The following WDR36 variants were observed in gnomAD, a reference collection of about 807,000 sequenced individuals.
WDR36 encodes the protein WD repeat-containing protein 36.
WDR36 carries 63 observed loss-of-function variants against 112.7 expected under a neutral mutation model. The ratio of observed to expected loss-of-function variants is 0.56; its 90% CI spans 0.46 to 0.69. The LOEUF (loss-of-function observed/expected upper bound fraction) is 0.69, where lower values mean the gene tolerates loss of function less well. WDR36 is among the 30% of genes least tolerant of loss of function. WDR36 has a pLI of 0.00. For missense variants in WDR36, 1,226 were observed against 1,070.3 expected (o/e 1.15, Z -2.03); for synonymous variants, 410 against 362.2 (o/e 1.13, Z -1.50).
intron 12 of WDR36, among the ~76,000 whole-genome samples, chr5:111,108,464 G>T (rs1470969859): frequency 6.6e-6 from 1 of 151,112 alleles, no homozygotes; most frequent in Non-Finnish European, 1.5e-5. Flanking sequence ...TTGTAAGTTT[G>T]TATATTCTAT....
intron 16 of WDR36, among the ~76,000 whole-genome samples, chr5:111,114,763 T>A (rs1753421935): frequency 6.6e-6 from 1 of 152,220 alleles, no homozygotes; most frequent in Admixed American, 6.5e-5. Context: ...TGCTATTTTC[T>A]AAAAGTTAAT....
chr5:111,098,138 G>C (rs985640569), intron 3 of WDR36, among the ~76,000 whole-genome samples: 1 of 152,116 alleles, frequency 6.6e-6, no homozygotes, highest in African/African-American at 2.4e-5. Context: ...ACTGTCAACT[G>C]TAGGAAGTTG....
intron 15 of WDR36, 39 bp from the exon 16 acceptor site, chr5:111,113,035 A>ATATATAT: frequency 1.1e-5 from 4 of 352,686 alleles, no homozygotes; most frequent in Admixed American, 6.3e-5. Flanking sequence ...ATATATAAAT[A>ATATATAT]ATATATATAT....
intron 10 of WDR36, among the ~76,000 whole-genome samples, chr5:111,105,642 GCA>G (rs1419786609): frequency 1.3e-5 from 2 of 151,462 alleles, no homozygotes; most frequent in South Asian, 4.1e-4. Flanking sequence ...TCTGTAGAGT[GCA>G]CAGTTTTTAA....
At position 111,127,923 on chromosome 5, in the gene WDR36, GTTTTTTTTTTT is replaced by G. The variant is rs1174312563; in HGVS notation, c.*1049_*1059del. 5 of 139,430 alleles carry G rather than the reference GTTTTTTTTTTT, an allele frequency of 3.6e-5. No homozygotes were observed. The highest frequency in any genetic ancestry group is 8.5e-5 in the African/African-American group (3 of 35,472). The allele number at this position is 139,430 out of a possible 1,614,324, so 8.6% of individuals were successfully genotyped here. A position where few individuals can be genotyped will look rare whatever the true frequency, so the allele number is the denominator to read the frequency against. ...GGTTTTTTTTATTTTGTTTTGTTTTGTTTTTTTTTTTTTTTTTTTGGCTACACTTTTTTGGG... is the reference window on the plus strand; with the variant it reads ...GGTTTTTTTTATTTTGTTTTGTTTTGTTTTTTTTGGCTACACTTTTTTGGG... On this transcript the variant is annotated 3_prime_UTR_variant, in exon 23 of 23. Transcript: ENST00000513710.
At chr5:111,121,503 A>G (rs561761223) in intron 19 of WDR36, among the ~76,000 whole-genome samples, 2 of 152,278 alleles carry the variant, frequency 1.3e-5, no homozygotes, top group East Asian at 3.9e-4. Context: ...ACTGCTAGTC[A>G]TTTGAGAACC....
At chr5:111,125,937 T>C (rs1753671907) in intron 22 of WDR36, 142 bp downstream of exon 22, 1 of 763,044 alleles carries the variant, frequency 1.3e-6, no homozygotes, top group Non-Finnish European at 2.2e-6. Flanking sequence ...GCTATTGAGT[T>C]CTTGAAATGT....
At chr5:111,119,266 G>A (rs1294330188) in intron 17 of WDR36, 146 bp downstream of exon 17, 3 of 723,454 alleles carry the variant, frequency 4.1e-6, no homozygotes, top group East Asian at 5.2e-5. Context: ...TTCACTGTAA[G>A]TCTGAGTGAT....
chr5:111,103,807 G>T lies in WDR36; in HGVS notation c.619G>T (p.Ala207Ser). Residue 207 changes from alanine to serine, a missense_variant, in exon 7 of 23, where the codon GCT becomes TCT. Physicochemically the swap from Ala to Ser is moderately conservative, Grantham distance 99. Transcript: ENST00000513710. ...TTAGGCACCAGCCGTGGATGTTGTT[G>T]CTATTGGTCTTATGTCAGGTCAAGT... Reference protein sequence around the residue: ...LQQAPAVDVVAIGLMSGQVII... With the variant: ...LQQAPAVDVVSIGLMSGQVII... 6.2e-7 allele frequency: 1 copy of T among 1,611,104 alleles called. No homozygotes were observed. Among genetic ancestry groups the T allele is most frequent in the Non-Finnish European group, 8.5e-7 (1 of 1,178,066 alleles).
chr5:111,123,669 T>C (rs1753615578), intron 19 of WDR36, 136 bp from the exon 20 acceptor site: 2 of 1,206,862 alleles, frequency 1.7e-6, no homozygotes, highest in African/African-American at 3.1e-5. Context: ...AGAGATCATA[T>C]TTTAACATTC....
intron 5 of WDR36, among the ~76,000 whole-genome samples, chr5:111,101,088 G>A (rs910381081): frequency 2.6e-5 from 4 of 151,916 alleles, no homozygotes; most frequent in Non-Finnish European, 5.9e-5. Flanking sequence ...AGGGACTTGA[G>A]CATCTGTGAA....
Position 111,103,615 on chromosome 5 carries a change from A to G in WDR36, c.598-171A>G, listed in dbSNP as rs554318645. On this transcript the variant is annotated intron_variant, in intron 6 of 22. Transcript: ENST00000513710. ...GGAAAAATCATTACTGAATACTTCTATGCTGAATAAAAAAGTATGCTTGAA... is the reference window on the plus strand; with the variant it reads ...GGAAAAATCATTACTGAATACTTCTGTGCTGAATAAAAAAGTATGCTTGAA... 4.0e-5 allele frequency among the ~76,000 whole-genome samples: 6 copies of G among 151,776 alleles called. No individual in the cohort carries two copies. The South Asian group carries it at 1.2e-3, about 31-fold the overall frequency.
At chr5:111,094,787 T>G in intron 1 of WDR36, 133 bp from the exon 2 acceptor site, 1 of 709,488 alleles carries the variant, frequency 1.4e-6, no homozygotes. Flanking sequence ...AGAAAATTAG[T>G]GTCAGTAAGT....
rs199548073 is a variant in WDR36, at chr5:111,092,588, C to T, written c.132C>T (p.Thr44=). The T allele has an allele frequency of 1.3e-4, 208 of 1,613,876 alleles. No homozygotes were observed. The highest frequency in any genetic ancestry group is 8.2e-4 in the Middle Eastern group (5 of 6,084). ...SALKRRFYVT[T]CVGKSFHTYD... The stretch of plus-strand genomic sequence containing the variant: ...TCAAGCGCCGGTTCTATGTAACAAC[C>T]TGCGTGGGCAAGAGTTTCCACACCT... The change falls in exon 1 of 23, where the codon ACC becomes ACT. Residue 44 remains threonine, a synonymous_variant. Coordinates refer to ENST00000513710, the MANE Select transcript of WDR36 (RefSeq NM_139281.3).
rs977591788 is a variant in WDR36, at chr5:111,104,271, A to G, written c.825A>G (p.Ala275=). The G allele has an allele frequency of 4.3e-6, 7 of 1,612,198 alleles. No homozygotes were observed. In the African/African-American group the frequency reaches 5.3e-5, roughly 12 times the overall value. ...DKKLINQMRN[A]HSTAIAGLTF... ...AATTAATCAACCAAATGAGAAATGC[A>G]CACTCTACAGCAATTGCCGGACTGA... Residue 275 remains alanine (A), a synonymous_variant, in exon 8 of 23, where the codon GCA becomes GCG. Coordinates refer to ENST00000513710, the MANE Select transcript of WDR36 (RefSeq NM_139281.3).
chr5:111,117,092 G>A (rs1753471154), intron 16 of WDR36, among the ~76,000 whole-genome samples: 1 of 152,118 alleles, frequency 6.6e-6, no homozygotes, highest in South Asian at 2.1e-4. Flanking sequence ...TAAGTATTTA[G>A]CAAATGTTTT....
intron 5 of WDR36, among the ~76,000 whole-genome samples, chr5:111,101,550 A>G (rs1753121362): frequency 6.6e-6 from 1 of 151,912 alleles, no homozygotes; most frequent in Non-Finnish European, 1.5e-5. Flanking sequence ...GGCTGGATAC[A>G]TGATTTTGAA....
At chr5:111,111,541 G>GA (rs1753340410) in intron 15 of WDR36, 4 of 391,712 alleles carry the variant, frequency 1.0e-5, no homozygotes, top group African/African-American at 6.2e-5. Flanking sequence ...TTTAGAGAAT[G>GA]AATGATCCAT....
At position 111,126,711 on chromosome 5, in the gene WDR36, AATC is replaced by A; in HGVS notation, c.2539-17_2539-15del. On this transcript the variant is annotated intron_variant, in intron 22 of 22. Transcript: ENST00000513710. ...AAAATTTTAATTTTCTTAAATGTTC[AATC>A]ATCATATTTTTCTTTGCAGTTACAC... 6 of 1,611,914 alleles carry A rather than the reference AATC, an allele frequency of 3.7e-6. 1 individual carries two copies. In the East Asian group the frequency reaches 6.7e-5, roughly 18 times the overall value.
Sources: gnomAD v4.1 joint callset for allele counts (sites outside exome capture counted in the v4.1 genomes callset) on GRCh38, gnomAD v4.1.1 for gene constraint, MANE v1.5 for transcripts, NCBI Gene and HGNC (gene_info 2026-07-23, HGNC 2026-07-21) for gene names.